The following CDK7 variants were observed in gnomAD, a reference collection of about 807,000 sequenced individuals.
CDK7 encodes the protein cyclin dependent kinase 7.
Under a neutral mutation model 49.1 loss-of-function variants are expected in CDK7, and 25 were observed. The ratio of observed to expected loss-of-function variants is 0.51; its 90% CI spans 0.37 to 0.71. CDK7 has a LOEUF of 0.71. CDK7 is among the 30% of genes least tolerant of loss of function. The pLI is 0.00. For synonymous variants in CDK7, 107 were observed against 140.0 expected, an observed-to-expected ratio of 0.76 and a Z score of 1.67; for missense variants, 316 against 411.7, an observed-to-expected ratio of 0.77 and a Z score of 2.01.
chr5:69,262,208 G>T lies in CDK7; in HGVS notation c.531G>T (p.Trp177Cys). ...ACTAATTCTTTTTGTTCTTTAGGTG[G>T]TATCGGGCCCCCGAGTTACTATTTG... ...RAYTHQVVTR[W>C]YRAPELLFGA... The change falls in exon 8 of 12, where the codon TGG (tryptophan) becomes TGT (cysteine). Residue 177 changes from tryptophan (W) to cysteine (C), a missense_variant. Physicochemically the swap from Trp to Cys is radical, Grantham distance 215. Transcript: ENST00000256443. The T allele has an allele frequency of 6.2e-7, 1 of 1,613,538 alleles. No individual in the cohort carries two copies. The highest frequency in any genetic ancestry group is 8.5e-7 in the Non-Finnish European group (1 of 1,180,020).
upstream of CDK7, chr5:69,234,858 A>G (rs1748831560): frequency 4.9e-6 from 5 of 1,028,668 alleles, no homozygotes; most frequent in African/African-American, 6.3e-5. Context: ...AGGCGGGGAT[A>G]CTAAAGCGAC....
At chr5:69,253,486 G>A (rs558256761) in intron 3 of CDK7, among the ~76,000 whole-genome samples, 4 of 152,024 alleles carry the variant, frequency 2.6e-5, no homozygotes, top group South Asian at 2.1e-4. Flanking sequence ...GGCTGGTCTC[G>A]ATCTCCTGGC....
intron 2 of CDK7, among the ~76,000 whole-genome samples, chr5:69,245,837 A>ATAGT (rs1302429867): frequency 6.6e-6 from 1 of 152,212 alleles, no homozygotes; most frequent in Non-Finnish European, 1.5e-5. Context: ...TTCTTGGCGT[A>ATAGT]TAGTTACTCA....
chr5:69,241,515 G>A (rs1323516472), intron 2 of CDK7, among the ~76,000 whole-genome samples: 17 of 151,770 alleles, frequency 1.1e-4, no homozygotes, highest in Non-Finnish European at 2.1e-4. Flanking sequence ...TAGTAGAGAC[G>A]TGGTTTCACC....
intron 11 of CDK7, 43 bp from the exon 12 acceptor site, chr5:69,277,064 A>C: frequency 6.5e-7 from 1 of 1,542,606 alleles, no homozygotes; most frequent in Non-Finnish European, 8.8e-7. Context: ...AACTTTGTTA[A>C]ATGTGAACAA....
At chr5:69,253,960 C>T (rs966452512) in intron 3 of CDK7, among the ~76,000 whole-genome samples, 4 of 151,916 alleles carry the variant, frequency 2.6e-5, no homozygotes, top group African/African-American at 4.8e-5. Context: ...ATTAGCCAGG[C>T]GTGGAGGTGC....
intron 3 of CDK7, 76 bp from the exon 4 acceptor site, chr5:69,254,521 CAAAAA>C (rs35239844): frequency 5.3e-4 from 251 of 477,848 alleles, no homozygotes; most frequent in South Asian, 7.4e-4. Context: ...GACTCCATCT[CAAAAA>C]AAAAAAAAAA....
Position 69,258,584 on chromosome 5 carries a change from G to C in CDK7, c.408+431G>C, listed in dbSNP as rs762983076. Among the ~76,000 whole-genome samples the C allele has an allele frequency of 2.0e-5, 3 of 151,960 alleles. No homozygotes were observed. In the East Asian group the frequency reaches 5.8e-4, roughly 29 times the overall value. On this transcript the variant is annotated intron_variant, in intron 6 of 11. Transcript: ENST00000256443. ...TTTTTAGTAGAGACGGGGTTTCACC[G>C]TGTTAGCCAGAATGGTCTCGATCTC...
intron 11 of CDK7, 68 bp downstream of exon 11, chr5:69,276,758 G>T: frequency 7.5e-7 from 1 of 1,327,878 alleles, no homozygotes; most frequent in Non-Finnish European, 1.1e-6. Flanking sequence ...TGTATGGCTA[G>T]CGACTGAACA....
intron 8 of CDK7, 48 bp from the exon 9 acceptor site, chr5:69,269,159 A>T (rs200836988): frequency 7.4e-4 from 300 of 408,084 alleles, no homozygotes; most frequent in African/African-American, 1.9e-3. Flanking sequence ...GAAAAAAATT[A>T]AAAAAAAAAA....
chr5:69,248,791 TTTTTTTTTTTC>T (rs1323275853), intron 2 of CDK7, among the ~76,000 whole-genome samples: 1 of 114,864 alleles, frequency 8.7e-6, no homozygotes, highest in African/African-American at 4.9e-5. Context: ...CCTTCTTTTC[TTTTTTTTTTTC>T]TTTTTTTTTT....
intron 7 of CDK7, among the ~76,000 whole-genome samples, chr5:69,261,155 C>T (rs1256993667): frequency 6.6e-6 from 1 of 152,004 alleles, no homozygotes; most frequent in Non-Finnish European, 1.5e-5. Flanking sequence ...CCACCTTCTT[C>T]CAAATAGATG....
At chr5:69,239,644 G>C (rs1261783711) in intron 2 of CDK7, among the ~76,000 whole-genome samples, 1 of 151,942 alleles carries the variant, frequency 6.6e-6, no homozygotes, top group Admixed American at 6.6e-5. Context: ...CCAGTCTTTG[G>C]CAAGGCTTTT....
At chr5:69,267,907 A>G (rs946105604) in intron 8 of CDK7, among the ~76,000 whole-genome samples, 2 of 152,222 alleles carry the variant, frequency 1.3e-5, no homozygotes, top group Non-Finnish European at 2.9e-5. Context: ...TGGGTTTAAG[A>G]AGAAAATTAG....
At chr5:69,244,100 G>A (rs910520569) in intron 2 of CDK7, among the ~76,000 whole-genome samples, 3 of 152,178 alleles carry the variant, frequency 2.0e-5, no homozygotes, top group African/African-American at 7.2e-5. Context: ...CCAAAATGCG[G>A]GGATTACAGG....
rs1360275650 is a variant in CDK7 at position 69,277,132 on chromosome 5, T to C, written c.1038T>C (p.Phe346=). The C allele has an allele frequency of 6.3e-7, 1 of 1,599,504 alleles. No individual in the cohort carries two copies. The highest frequency in any genetic ancestry group is 1.7e-4 in the Middle Eastern group (1 of 5,996). ...EQGGLPKKLI[F] is the part of the protein sequence containing the mutation. ...GAGGATTGCCCAAGAAACTAATTTTTTAAAGAGAACACTGGACAACATTTT... is the reference window on the plus strand; with the variant it reads ...GAGGATTGCCCAAGAAACTAATTTTCTAAAGAGAACACTGGACAACATTTT... Residue 346 remains phenylalanine (F), a synonymous_variant, in exon 12 of 12, where the codon TTT becomes TTC. Transcript: ENST00000256443.
At chr5:69,257,277 C>G (rs1230142351) in intron 5 of CDK7, among the ~76,000 whole-genome samples, 1 of 151,956 alleles carries the variant, frequency 6.6e-6, no homozygotes, top group African/African-American at 2.4e-5. Context: ...ATGCATTTGT[C>G]AAAACTCATG....
intron 6 of CDK7, 44 bp from the exon 7 acceptor site, chr5:69,259,774 C>T (rs772872766): frequency 5.5e-6 from 7 of 1,263,122 alleles, no homozygotes; most frequent in Non-Finnish European, 8.1e-6. Context: ...ACAGTGTTCT[C>T]CCCTACCCTG....
chr5:69,263,470 G>A (rs1463852583), intron 8 of CDK7, among the ~76,000 whole-genome samples: 5 of 152,198 alleles, frequency 3.3e-5, no homozygotes, highest in Non-Finnish European at 7.3e-5. Context: ...GCTGAGGTGG[G>A]AGGATCACTT....
Sources: gnomAD v4.1 joint callset for allele counts (sites outside exome capture counted in the v4.1 genomes callset) on GRCh38, gnomAD v4.1.1 for gene constraint, MANE v1.5 for transcripts, NCBI Gene and HGNC (gene_info 2026-07-23, HGNC 2026-07-21) for gene names.